Variants in LTBP1 observed in about 807,000 individuals in gnomAD.
The protein encoded by LTBP1 is latent-transforming growth factor beta-binding protein 1.
In LTBP1, 129 loss-of-function variants were observed where a neutral mutation model predicts 207.6. The ratio of observed to expected loss-of-function variants is 0.62; its 90% confidence interval spans 0.54 to 0.72. The LOEUF (loss-of-function observed/expected upper bound fraction) is 0.72, where lower values mean the gene tolerates loss of function less well. Ranked by LOEUF, LTBP1 falls within the 30% of genes least tolerant of loss-of-function variation. LTBP1 has a pLI of 0.00. For missense variants in LTBP1, 2,281 were observed against 2,217.2 expected (o/e 1.03, Z -0.58); for synonymous variants, 963 against 833.7 (o/e 1.16, Z -2.67).
At chr2:33,262,672 C>A in intron 13 of LTBP1, 50 bp from the exon 14 acceptor site, 1 of 950,046 alleles carries the variant, frequency 1.1e-6, no homozygotes, top group Non-Finnish European at 1.6e-6. Context: ...ATAATTTCCA[C>A]TTTCAATTCT....
At chr2:33,359,684 A>G (rs1490562663) in intron 26 of LTBP1, among the ~76,000 whole-genome samples, 1 of 152,230 alleles carries the variant, frequency 6.6e-6, no homozygotes, top group Non-Finnish European at 1.5e-5. Flanking sequence ...CAGTTAATAC[A>G]TTCAAACTGG....
intron 26 of LTBP1, among the ~76,000 whole-genome samples, chr2:33,359,439 A>G (rs2094901386): frequency 6.6e-6 from 1 of 152,200 alleles, no homozygotes; most frequent in Non-Finnish European, 1.5e-5. Flanking sequence ...AAAATAATTT[A>G]TTTAATTTCC....
At chr2:33,252,867 C>T (rs1487356637) in intron 11 of LTBP1, 23 bp downstream of exon 11, 11 of 1,562,024 alleles carry the variant, frequency 7.0e-6, no homozygotes, top group African/African-American at 5.4e-5. Context: ...CAGCTGTATG[C>T]GCACATAGAT....
chr2:33,197,539 G>A (rs2088698133), intron 7 of LTBP1, among the ~76,000 whole-genome samples: 1 of 152,098 alleles, frequency 6.6e-6, no homozygotes, highest in Non-Finnish European at 1.5e-5. Flanking sequence ...CATTGAATAT[G>A]TTCATCTTTT....
At chr2:33,282,588 C>T (rs888351185) in intron 19 of LTBP1, among the ~76,000 whole-genome samples, 4 of 152,206 alleles carry the variant, frequency 2.6e-5, no homozygotes, top group Admixed American at 1.3e-4. Context: ...ATGTTAATGA[C>T]TGCCCAGCCC....
intron 9 of LTBP1, among the ~76,000 whole-genome samples, chr2:33,231,031 A>C (rs1434788850): frequency 6.6e-6 from 1 of 152,220 alleles, no homozygotes; most frequent in Non-Finnish European, 1.5e-5. Flanking sequence ...AGTATTCCAC[A>C]AACATTAATC....
At chr2:33,149,794 AT>A (rs958275115) in intron 5 of LTBP1, among the ~76,000 whole-genome samples, 4 of 152,294 alleles carry the variant, frequency 2.6e-5, no homozygotes, top group Admixed American at 2.6e-4. Flanking sequence ...AGCACTGACC[AT>A]TGCTACTGTG....
intron 3 of LTBP1, chr2:33,056,416 T>C: frequency 9.3e-7 from 1 of 1,080,122 alleles, no homozygotes; most frequent in Non-Finnish European, 1.3e-6. Context: ...CCCTGGGCGA[T>C]GGTGACTTTG....
intron 5 of LTBP1, 140 bp downstream of exon 5, chr2:33,135,100 GA>G: frequency 1.1e-6 from 1 of 898,870 alleles, no homozygotes; most frequent in Admixed American, 3.4e-5. Flanking sequence ...TCTTTCATGG[GA>G]TCTTTTAAAT....
intron 24 of LTBP1, among the ~76,000 whole-genome samples, chr2:33,341,085 C>T (rs2094613323): frequency 1.0e-5 from 1 of 97,418 alleles, no homozygotes; most frequent in African/African-American, 6.2e-5. Flanking sequence ...AATTGTTTCT[C>T]CAAATCTTAC....
intron 3 of LTBP1, among the ~76,000 whole-genome samples, chr2:33,054,815 C>A (rs1227394215): frequency 6.6e-6 from 1 of 152,132 alleles, no homozygotes; most frequent in East Asian, 1.9e-4. Flanking sequence ...GGTGTTTGCC[C>A]CAGGCACCCT....
In LTBP1 at chr2:33,016,711, AT is replaced by A. The variant is rs551996216; in HGVS notation, c.566-4197del. 4.3e-3 allele frequency among the ~76,000 whole-genome samples: 648 copies of A among 152,288 alleles called. 6 individuals carry two copies. The highest frequency in any genetic ancestry group is 3.6e-3 in the Non-Finnish European group (242 of 68,032). On this transcript the variant is annotated intron_variant, in intron 2 of 33. Coordinates refer to ENST00000404816, the MANE Select transcript of LTBP1 (RefSeq NM_206943.4). ...AAGCAATCAACTGATGGGAAAAAAAATAAAATTAAATTAAAAAGTACTTCTG... is the reference window on the plus strand; with the variant it reads ...AAGCAATCAACTGATGGGAAAAAAAAAAAATTAAATTAAAAAGTACTTCTG...
In LTBP1 at chr2:33,071,821, G is replaced by A. The variant is rs1174207116; in HGVS notation, c.864-38761G>A. 6.6e-5 allele frequency among the ~76,000 whole-genome samples: 10 copies of A among 152,294 alleles called. No homozygotes were observed. The East Asian group carries it at 1.7e-3, about 26-fold the overall frequency. On this transcript the variant is annotated intron_variant, in intron 3 of 33. Coordinates refer to ENST00000404816, the MANE Select transcript of LTBP1 (RefSeq NM_206943.4). The stretch of plus-strand genomic sequence containing the variant: ...TCACTGTGGGACCTAAGCTGACAAA[G>A]CAGCTTGAATGTGGAAAAACTCCAA...
At chr2:32,949,038 C>T (rs570738596) in intron 2 of LTBP1, 93 bp downstream of exon 2, 3 of 1,238,058 alleles carry the variant, frequency 2.4e-6, no homozygotes, top group Non-Finnish European at 3.6e-6. Context: ...CTTGAAAGGG[C>T]TCGGGGGAAG....
At chr2:33,131,656 A>C (rs1285596600) in intron 4 of LTBP1, among the ~76,000 whole-genome samples, 6 of 152,244 alleles carry the variant, frequency 3.9e-5, no homozygotes, top group Admixed American at 2.6e-4. Flanking sequence ...TTAGAATACA[A>C]GTGTCTGTTT....
intron 7 of LTBP1, among the ~76,000 whole-genome samples, chr2:33,196,228 T>A (rs2088549037): frequency 6.6e-6 from 1 of 152,192 alleles, no homozygotes; most frequent in Non-Finnish European, 1.5e-5. Flanking sequence ...TAGCACGAAC[T>A]TGACTCTTGA....
intron 3 of LTBP1, among the ~76,000 whole-genome samples, chr2:33,075,698 A>G (rs1475098092): frequency 3.3e-5 from 5 of 152,168 alleles, no homozygotes; most frequent in African/African-American, 1.2e-4. Context: ...CAATTTACCT[A>G]CTTTACTGGG....
At chr2:33,149,254 AAGAG>A (rs869171637) in intron 5 of LTBP1, among the ~76,000 whole-genome samples, 4 of 150,022 alleles carry the variant, frequency 2.7e-5, no homozygotes, top group Admixed American at 2.0e-4. Context: ...AAAAAAAAAA[AAGAG>A]AGGGAGCTCC....
chr2:32,989,918 T>C (rs1007227729), intron 2 of LTBP1, among the ~76,000 whole-genome samples: 2 of 152,240 alleles, frequency 1.3e-5, no homozygotes, highest in Admixed American at 1.3e-4. Context: ...GACCAGAATC[T>C]GGCATTTACC....
Sources: allele counts gnomAD v4.1 joint callset (sites outside exome capture counted in the v4.1 genomes callset), GRCh38; gene constraint gnomAD v4.1.1; transcripts MANE v1.5; gene names NCBI Gene and HGNC (gene_info 2026-07-23, HGNC 2026-07-21).